Variants in CDH18 observed in about 807,000 individuals in gnomAD.
CDH18 encodes the protein cadherin-18.
CDH18 carries 31 observed loss-of-function variants against 67.9 expected under a neutral mutation model. The observed-to-expected ratio is 0.46, with a 90% CI of 0.34 to 0.62. The LOEUF is 0.62. Among genes scored for constraint, CDH18 ranks in the 20% least tolerant of loss-of-function variants. The pLI is 0.01. For missense variants in CDH18, 890 were observed against 975.5 expected, an observed-to-expected ratio of 0.91 and a Z score of 1.17; for synonymous variants, 362 against 347.2, an observed-to-expected ratio of 1.04 and a Z score of -0.48.
At chr5:20,221,848 C>A (rs956231285) in intron 2 of CDH18, among the ~76,000 whole-genome samples, 1 of 152,040 alleles carries the variant, frequency 6.6e-6, no homozygotes, top group Non-Finnish European at 1.5e-5. Context: ...TTTCCAGGAC[C>A]TTTTCCAAAG....
chr5:19,860,046 A>G (rs571444777), intron 2 of CDH18, among the ~76,000 whole-genome samples: 17 of 146,936 alleles, frequency 1.2e-4, no homozygotes, highest in Admixed American at 1.2e-3. Context: ...TTAAGAATAA[A>G]TGTATCCGAT....
chr5:19,602,673 A>T (rs1167577370), intron 6 of CDH18, among the ~76,000 whole-genome samples: 1 of 152,290 alleles, frequency 6.6e-6, no homozygotes, highest in South Asian at 2.1e-4. Flanking sequence ...CTCTAAAAAA[A>T]TTAAACATGG....
At chr5:20,047,175 G>T (rs4866044) in intron 2 of CDH18, among the ~76,000 whole-genome samples, 365 of 151,706 alleles carry the variant, frequency 2.4e-3, no homozygotes, top group Non-Finnish European at 3.9e-3. Flanking sequence ...CGAGGCAGGG[G>T]TTGGGCTTAG....
chr5:19,593,707 C>CCTCCTTCTTCTTCTTCTTCTTCTTCTT lies in CDH18; in HGVS notation c.812-2464_812-2463insAAGAAGAAGAAGAAGAAGAAGAAGGAG. On this transcript the variant is annotated intron_variant, in intron 6 of 12. Coordinates refer to ENST00000382275, the MANE Select transcript of CDH18 (RefSeq NM_004934.5). ...TCCTTCTCTTCCTCTTCCTCCTCCTCCTTCTTCTTCTTCTTCTTCTTCTTC... is the reference window on the plus strand; with the variant it reads ...TCCTTCTCTTCCTCTTCCTCCTCCTCCTCCTTCTTCTTCTTCTTCTTCTTCTTCTTCTTCTTCTTCTTCTTCTTCTTC... Among the ~76,000 whole-genome samples, 245 of 33,306 alleles carry CCTCCTTCTTCTTCTTCTTCTTCTTCTT rather than the reference C, an allele frequency of 7.4e-3. 2 individuals carry two copies. The highest frequency in any genetic ancestry group is 0.024 in the Admixed American group (68 of 2,830). 21.9% of individuals were successfully genotyped at this position (33,306 alleles called of 152,430 possible).
At chr5:20,253,709 G>T (rs1440234871) in intron 2 of CDH18, among the ~76,000 whole-genome samples, 3 of 152,148 alleles carry the variant, frequency 2.0e-5, no homozygotes, top group African/African-American at 7.2e-5. Context: ...TTTAAAGGAT[G>T]TAAAAAGTTA....
chr5:20,261,624 C>A (rs537453810), intron 1 of CDH18, among the ~76,000 whole-genome samples: 1 of 152,032 alleles, frequency 6.6e-6, no homozygotes, highest in Non-Finnish European at 1.5e-5. Flanking sequence ...GCCTGTAGTC[C>A]CAGCTACTTG....
At position 20,432,938 on chromosome 5, in the gene CDH18, T is replaced by C. The variant is rs1286405467; in HGVS notation, c.-580+142524A>G. 4.0e-5 allele frequency among the ~76,000 whole-genome samples: 6 copies of C among 148,758 alleles called. No homozygotes were observed. In the East Asian group the frequency reaches 1.2e-3, roughly 29 times the overall value. On this transcript the variant is annotated intron_variant, in intron 1 of 14. Coordinates refer to the CDH18 transcript ENST00000507958. ...AGGCCTCTTATAGATATAATATATA[T>C]TTTATACATATATAATGTATATTTT...
chr5:20,015,595 A>G (rs1241567316), intron 2 of CDH18, among the ~76,000 whole-genome samples: 1 of 152,150 alleles, frequency 6.6e-6, no homozygotes, highest in Non-Finnish European at 1.5e-5. Context: ...ATTTTTGTAC[A>G]CCTATTTAAT....
chr5:20,261,435 G>A (rs1037446785), intron 1 of CDH18, among the ~76,000 whole-genome samples: 2 of 152,138 alleles, frequency 1.3e-5, no homozygotes, highest in Admixed American at 6.5e-5. Flanking sequence ...AACAATAAGT[G>A]TTTTGTAAAT....
intron 1 of CDH18, among the ~76,000 whole-genome samples, chr5:20,313,878 G>T (rs985157260): frequency 1.3e-5 from 2 of 151,896 alleles, no homozygotes; most frequent in African/African-American, 4.8e-5. Flanking sequence ...ATTTCCTTGG[G>T]TAATCTTATG....
chr5:19,982,091 T>C (rs1185719580), intron 1 of CDH18, among the ~76,000 whole-genome samples: 4 of 152,214 alleles, frequency 2.6e-5, no homozygotes, highest in Non-Finnish European at 5.9e-5. Flanking sequence ...ATTTTTGCTT[T>C]AAAAAATTTC....
chr5:19,854,232 A>T (rs1198105687), intron 2 of CDH18, among the ~76,000 whole-genome samples: 4 of 152,088 alleles, frequency 2.6e-5, no homozygotes, highest in African/African-American at 4.8e-5. Flanking sequence ...CACTCAACAG[A>T]TTATAAAAAA....
At chr5:19,716,381 C>T (rs749497374) in intron 5 of CDH18, among the ~76,000 whole-genome samples, 28 of 151,900 alleles carry the variant, frequency 1.8e-4, no homozygotes, top group Non-Finnish European at 2.8e-4. Context: ...TTATAATTTA[C>T]GCTATATTTA....
intron 3 of CDH18, among the ~76,000 whole-genome samples, chr5:19,790,471 T>C (rs915279709): frequency 5.9e-5 from 9 of 152,182 alleles, no homozygotes; most frequent in African/African-American, 1.9e-4. Flanking sequence ...ATTTAGAATC[T>C]AGTGATGAAT....
At chr5:20,476,689 A>T (rs1230019110) in intron 1 of CDH18, among the ~76,000 whole-genome samples, 2 of 152,188 alleles carry the variant, frequency 1.3e-5, no homozygotes, top group Admixed American at 1.3e-4. Context: ...CATTAAAATA[A>T]TAATGTAAGA....
intron 9 of CDH18, among the ~76,000 whole-genome samples, chr5:19,539,591 G>A (rs1749925874): frequency 6.6e-6 from 1 of 152,092 alleles, no homozygotes; most frequent in Admixed American, 6.6e-5. Flanking sequence ...CTTTGTATTA[G>A]TCTGTTCTCA....
intron 1 of CDH18, among the ~76,000 whole-genome samples, chr5:20,474,738 A>AC (rs1278464108): frequency 1.3e-5 from 2 of 152,194 alleles, no homozygotes; most frequent in Non-Finnish European, 2.9e-5. Context: ...ACCATTTGCC[A>AC]TTTATTGGGG....
At chr5:19,772,418 A>G (rs1773833654) in intron 3 of CDH18, among the ~76,000 whole-genome samples, 2 of 152,134 alleles carry the variant, frequency 1.3e-5, no homozygotes, top group South Asian at 4.1e-4. Context: ...TGTCAGTGAG[A>G]GAGAGAGAAA....
chr5:20,506,741 G>A (rs1754685579), intron 1 of CDH18, among the ~76,000 whole-genome samples: 1 of 152,236 alleles, frequency 6.6e-6, no homozygotes, highest in South Asian at 2.1e-4. Context: ...ACACAGCAAT[G>A]AATAACTAAT....
Sources: allele counts gnomAD v4.1 joint callset (sites outside exome capture counted in the v4.1 genomes callset), GRCh38; gene constraint gnomAD v4.1.1; transcripts MANE v1.5; gene names NCBI Gene and HGNC (gene_info 2026-07-23, HGNC 2026-07-21).